Variants in PINX1 observed in about 807,000 individuals in gnomAD.
PINX1 encodes PIN2 (TERF1) interacting telomerase inhibitor 1.
Under a neutral mutation model 25.4 loss-of-function variants are expected in PINX1, and 34 were observed. The observed-to-expected ratio is 1.34, with a 90% CI of 1.02 to 1.78. PINX1 has a LOEUF of 1.78. Among genes scored for constraint, PINX1 ranks in the 40% most tolerant of loss-of-function variants. The pLI is 0.00. For synonymous variants in PINX1, 197 were observed against 147.7 expected, an observed-to-expected ratio of 1.33 and a Z score of -2.42; for missense variants, 592 against 404.9, an observed-to-expected ratio of 1.46 and a Z score of -3.97.
chr8:10,765,365 C>A lies in PINX1; in HGVS notation c.*36G>T. ...GGTGTCTGCCCCCGCAGTGCCCTGACAGCTGAGTGGTCGGAAGGCCCCGGC... is the reference window on the plus strand; with the variant it reads ...GGTGTCTGCCCCCGCAGTGCCCTGAAAGCTGAGTGGTCGGAAGGCCCCGGC... On this transcript the variant is annotated 3_prime_UTR_variant, in exon 7 of 7. Coordinates refer to ENST00000314787, the MANE Select transcript of PINX1 (RefSeq NM_017884.6). 1 of 1,542,432 alleles carries A rather than the reference C, an allele frequency of 6.5e-7. No individual in the cohort carries two copies. The highest frequency in any genetic ancestry group is 1.9e-5 in the Admixed American group (1 of 53,370).
chr8:10,792,178 C>T (rs1801944238), intron 6 of PINX1, among the ~76,000 whole-genome samples: 1 of 152,114 alleles, frequency 6.6e-6, no homozygotes, highest in Non-Finnish European at 1.5e-5. Flanking sequence ...GATGCGCTGG[C>T]CTCGCTCTCC....
chr8:10,832,614 C>T (rs6993121), intron 3 of PINX1, among the ~76,000 whole-genome samples: 60,941 of 152,072 alleles, frequency 0.4, 14,232 homozygotes, highest in African/African-American at 0.65. Flanking sequence ...TTCCCAGATT[C>T]CCTACCAGAT....
chr8:10,832,000 G>C (rs1262997156), intron 3 of PINX1, among the ~76,000 whole-genome samples: 1 of 152,208 alleles, frequency 6.6e-6, no homozygotes, highest in Non-Finnish European at 1.5e-5. Flanking sequence ...TATCGATCAA[G>C]TCAATATATA....
intron 1 of PINX1, among the ~76,000 whole-genome samples, chr8:10,839,461 C>G (rs903649038): frequency 1.3e-5 from 2 of 152,152 alleles, no homozygotes; most frequent in South Asian, 2.1e-4. Flanking sequence ...TCCCGGGACC[C>G]GGTGTTCTGA....
intron 1 of PINX1, 114 bp downstream of exon 1, chr8:10,839,624 C>T: frequency 3.7e-6 from 4 of 1,081,036 alleles, no homozygotes; most frequent in Non-Finnish European, 5.5e-6. Flanking sequence ...GTCCCCCGAT[C>T]CCATGCGCCA....
At chr8:10,796,599 T>C (rs567673287) in intron 6 of PINX1, among the ~76,000 whole-genome samples, 3 of 152,274 alleles carry the variant, frequency 2.0e-5, no homozygotes, top group South Asian at 2.1e-4. Context: ...GTTTAAAATA[T>C]GGGAAGTCCT....
At position 10,831,699 on chromosome 8, in the gene PINX1, G is replaced by C. The variant is rs1428330805; in HGVS notation, c.267C>G (p.Ala89=). ...AHQDDFNQLL[A]ELNTCHGQET... Reference sequence around the variant, plus strand: ...CCTGCCCATGGCAAGTGTTCAGTTCGGCCAGAAGCTGGTTAAAATCATCCT... The same window carrying C: ...CCTGCCCATGGCAAGTGTTCAGTTCCGCCAGAAGCTGGTTAAAATCATCCT... Residue 89 remains alanine, a synonymous_variant, in exon 4 of 7, where the codon GCC becomes GCG. Coordinates refer to ENST00000314787, the MANE Select transcript of PINX1 (RefSeq NM_017884.6). 6.2e-7 allele frequency: 1 copy of C among 1,604,488 alleles called. No homozygotes were observed. Among genetic ancestry groups the C allele is most frequent in the East Asian group, 2.2e-5 (1 of 44,712 alleles).
At chr8:10,826,882 T>A (rs1798067326) in intron 4 of PINX1, among the ~76,000 whole-genome samples, 2 of 151,978 alleles carry the variant, frequency 1.3e-5, no homozygotes, top group South Asian at 2.1e-4. Flanking sequence ...AGGCATGAGG[T>A]TGCTGTGCCG....
intron 6 of PINX1, among the ~76,000 whole-genome samples, chr8:10,806,254 G>C (rs1272950553): frequency 6.6e-6 from 1 of 152,184 alleles, no homozygotes; most frequent in Admixed American, 6.5e-5. Context: ...CTGCACAGTG[G>C]GGGCTTTCTC....
chr8:10,833,060 A>C, intron 2 of PINX1, 76 bp from the exon 3 acceptor site: 124 of 851,464 alleles, frequency 1.5e-4, no homozygotes, highest in Non-Finnish European at 2.1e-4. Flanking sequence ...TACAAAACTC[A>C]CAGATGCCTA....
At chr8:10,835,698 A>G (rs1798385428) in intron 1 of PINX1, among the ~76,000 whole-genome samples, 1 of 152,222 alleles carries the variant, frequency 6.6e-6, no homozygotes, top group Admixed American at 6.5e-5. Context: ...AAGAAGTAAA[A>G]AAATCACTGT....
intron 6 of PINX1, among the ~76,000 whole-genome samples, chr8:10,817,866 C>G (rs1404208463): frequency 6.6e-6 from 1 of 152,218 alleles, no homozygotes; most frequent in African/African-American, 2.4e-5. Flanking sequence ...AGGCTATCCC[C>G]GTGTTCTCAA....
intron 6 of PINX1, among the ~76,000 whole-genome samples, chr8:10,812,889 T>C (rs1240691485): frequency 2.0e-5 from 3 of 152,236 alleles, no homozygotes; most frequent in African/African-American, 7.2e-5. Flanking sequence ...TAGGTTAAAC[T>C]TGTGGTCAGG....
chr8:10,765,339 A>G lies in PINX1; in HGVS notation c.*62T>C. On this transcript the variant is annotated 3_prime_UTR_variant, in exon 7 of 7. Coordinates refer to ENST00000314787, the MANE Select transcript of PINX1 (RefSeq NM_017884.6). ...GAACTCTGCTGTGACTTCAGGCCAG[A>G]GGTGTCTGCCCCCGCAGTGCCCTGA... 1 of 1,442,972 alleles carries G rather than the reference A, an allele frequency of 6.9e-7. No homozygotes were observed. 89.4% of individuals were successfully genotyped at this position (1,442,972 alleles called of 1,614,324 possible).
chr8:10,832,774 G>T (rs571024031), intron 3 of PINX1, 118 bp downstream of exon 3: 6 of 586,080 alleles, frequency 1.0e-5, no homozygotes, highest in African/African-American at 3.8e-5. Context: ...AAGAGGAAAC[G>T]TGAATAAAAA....
At chr8:10,826,078 G>T in intron 5 of PINX1, 74 bp downstream of exon 5, 1 of 769,868 alleles carries the variant, frequency 1.3e-6, no homozygotes, top group South Asian at 1.7e-5. Context: ...TATTGGCCCA[G>T]AGCTAAAATG....
At position 10,808,948 on chromosome 8, in the gene PINX1, A is replaced by G. The variant is rs143781791; in HGVS notation, c.471+11245T>C. ...CACAAACTGTAGTTAAAAAATGACTAAGTTTCCTTGATATATGAATTTGTT... is the reference window on the plus strand; with the variant it reads ...CACAAACTGTAGTTAAAAAATGACTGAGTTTCCTTGATATATGAATTTGTT... On this transcript the variant is annotated intron_variant, in intron 6 of 6. Transcript: ENST00000314787. Among the ~76,000 whole-genome samples the G allele has an allele frequency of 1.4e-4, 21 of 152,364 alleles. No individual in the cohort carries two copies. The East Asian group carries it at 4.0e-3, about 29-fold the overall frequency.
intron 6 of PINX1, among the ~76,000 whole-genome samples, chr8:10,818,724 T>C (rs1471653290): frequency 6.6e-6 from 1 of 151,888 alleles, no homozygotes; most frequent in African/African-American, 2.4e-5. Context: ...GTGGAGTTGA[T>C]ACAAAGGCTC....
chr8:10,818,287 G>C (rs1437502389), intron 6 of PINX1, among the ~76,000 whole-genome samples: 1 of 152,222 alleles, frequency 6.6e-6, no homozygotes, highest in African/African-American at 2.4e-5. Context: ...GCTAGCATTA[G>C]GGAACTGCTT....
Sources: allele counts gnomAD v4.1 joint callset (sites outside exome capture counted in the v4.1 genomes callset), GRCh38; gene constraint gnomAD v4.1.1; transcripts MANE v1.5; gene names NCBI Gene and HGNC (gene_info 2026-07-23, HGNC 2026-07-21).